The following ERBIN variants were observed in gnomAD, a reference collection of about 807,000 sequenced individuals.
ERBIN encodes the protein erbb2 interacting protein.
In ERBIN, 60 loss-of-function variants were observed where a neutral mutation model predicts 158.4. The ratio of observed to expected loss-of-function variants is 0.38; its 90% CI spans 0.31 to 0.47. The LOEUF (loss-of-function observed/expected upper bound fraction) is 0.47, where lower values mean the gene tolerates loss of function less well. ERBIN is among the 20% of genes least tolerant of loss of function. The probability of loss-of-function intolerance (pLI) is 0.99; values close to 1 mark genes in which losing one functional copy is unlikely to be tolerated. For synonymous variants in ERBIN, 594 were observed against 557.2 expected (o/e 1.07, Z -0.93); for missense variants, 1,610 against 1,648.0 (o/e 0.98, Z 0.40).
At chr5:66,024,190 C>CT in intron 9 of ERBIN, 116 bp from the exon 10 acceptor site, 3 of 691,202 alleles carry the variant, frequency 4.3e-6, no homozygotes, top group Non-Finnish European at 6.9e-6. Flanking sequence ...TGGGAGTCTT[C>CT]TTTCTTGTAT....
intron 2 of ERBIN, among the ~76,000 whole-genome samples, chr5:65,990,088 CAG>C (rs1437632113): frequency 5.8e-4 from 89 of 152,250 alleles, no homozygotes; most frequent in African/African-American, 2.1e-3. Context: ...TATTTGTTGA[CAG>C]AGATTTTAGA....
chr5:66,036,829 G>A (rs972453658), intron 14 of ERBIN, among the ~76,000 whole-genome samples: 1 of 152,202 alleles, frequency 6.6e-6, no homozygotes, highest in East Asian at 1.9e-4. Flanking sequence ...AAATGAAATC[G>A]GATTAAAGAT....
chr5:65,968,093 A>G (rs1333166678), intron 1 of ERBIN, among the ~76,000 whole-genome samples: 1 of 152,254 alleles, frequency 6.6e-6, no homozygotes, highest in East Asian at 1.9e-4. Context: ...ACCAGCTCTT[A>G]TTCCAATGAC....
chr5:65,928,221 C>T (rs1428040931), intron 1 of ERBIN, among the ~76,000 whole-genome samples: 1 of 151,526 alleles, frequency 6.6e-6, no homozygotes, highest in Non-Finnish European at 1.5e-5. Context: ...TTTTTTTCCT[C>T]CCCGGGGCAT....
At chr5:65,948,261 G>C (rs1386117347) in intron 1 of ERBIN, among the ~76,000 whole-genome samples, 1 of 151,862 alleles carries the variant, frequency 6.6e-6, no homozygotes. Context: ...TGCAGCCTGG[G>C]CATCCCAGGC....
chr5:65,967,552 A>G (rs879597980), intron 1 of ERBIN, among the ~76,000 whole-genome samples: 4 of 152,178 alleles, frequency 2.6e-5, no homozygotes, highest in Non-Finnish European at 4.4e-5. Flanking sequence ...AGGCTACACC[A>G]TATAGCCTAG....
intron 1 of ERBIN, among the ~76,000 whole-genome samples, chr5:65,985,845 C>G (rs1188589601): frequency 6.6e-6 from 1 of 152,128 alleles, no homozygotes; most frequent in Non-Finnish European, 1.5e-5. Flanking sequence ...GTGGTTTTGT[C>G]AAGATAATCA....
intron 21 of ERBIN, chr5:66,069,008 G>A (rs1390699000): frequency 2.5e-5 from 38 of 1,532,206 alleles, no homozygotes; most frequent in Non-Finnish European, 3.2e-5. Flanking sequence ...GTTCTGGTGG[G>A]CACATTTTTC....
At chr5:65,993,125 G>A (rs1164404044) in intron 3 of ERBIN, among the ~76,000 whole-genome samples, 1 of 152,086 alleles carries the variant, frequency 6.6e-6, no homozygotes, top group Non-Finnish European at 1.5e-5. Flanking sequence ...TGCAGATAAC[G>A]TAAAATTTTG....
chr5:65,937,832 C>G (rs1744273362), intron 1 of ERBIN, among the ~76,000 whole-genome samples: 1 of 152,088 alleles, frequency 6.6e-6, no homozygotes, highest in Admixed American at 6.5e-5. Flanking sequence ...TGGCATGAAC[C>G]CGGGAGGCGG....
chr5:66,071,205 C>T (rs913624596), intron 21 of ERBIN, among the ~76,000 whole-genome samples: 3 of 152,020 alleles, frequency 2.0e-5, no homozygotes, highest in African/African-American at 7.2e-5. Flanking sequence ...TCCCCGCCTA[C>T]AAAAATTAGA....
chr5:66,061,852 A>C (rs1760406828), intron 21 of ERBIN, among the ~76,000 whole-genome samples: 1 of 152,134 alleles, frequency 6.6e-6, no homozygotes, highest in South Asian at 2.1e-4. Context: ...TCTTTTCTTT[A>C]AGAATGTTGG....
chr5:65,965,382 G>GTTTTGTTTTTTTTTTT (rs1748464142), intron 1 of ERBIN, among the ~76,000 whole-genome samples: 1 of 96,072 alleles, frequency 1.0e-5, no homozygotes, highest in East Asian at 3.5e-4. Context: ...GTTTTTTGTT[G>GTTTTGTTTTTTTTTTT]TTTTTTTTTT....
intron 22 of ERBIN, among the ~76,000 whole-genome samples, chr5:66,073,278 C>T (rs922159046): frequency 2.6e-5 from 4 of 152,232 alleles, no homozygotes; most frequent in Middle Eastern, 3.4e-3. Flanking sequence ...ATGGTATAAA[C>T]GTAGAGAAAA....
At chr5:66,052,565 A>C (rs1327807940) in intron 20 of ERBIN, among the ~76,000 whole-genome samples, 2 of 152,176 alleles carry the variant, frequency 1.3e-5, no homozygotes, top group Non-Finnish European at 2.9e-5. Context: ...AATATAATGA[A>C]ATAAAGCCTA....
At chr5:66,028,191 A>C in intron 13 of ERBIN, 83 bp from the exon 14 acceptor site, 1 of 997,046 alleles carries the variant, frequency 1.0e-6, no homozygotes, top group Non-Finnish European at 1.5e-6. Flanking sequence ...AGCATTTTTC[A>C]GAAAACCTTT....
intron 1 of ERBIN, among the ~76,000 whole-genome samples, chr5:65,977,788 C>A (rs1010840291): frequency 6.6e-6 from 1 of 151,544 alleles, no homozygotes; most frequent in Admixed American, 6.6e-5. Context: ...CTCGGCACTT[C>A]GGGAGGCCAA....
intron 1 of ERBIN, among the ~76,000 whole-genome samples, chr5:65,935,516 T>G (rs1743969448): frequency 6.6e-6 from 1 of 152,236 alleles, no homozygotes; most frequent in South Asian, 2.1e-4. Context: ...TCTAAAGAGA[T>G]AAAATTCCAA....
intron 18 of ERBIN, among the ~76,000 whole-genome samples, chr5:66,047,521 G>A (rs1026654214): frequency 6.6e-6 from 1 of 151,944 alleles, no homozygotes; most frequent in East Asian, 1.9e-4. Context: ...ACTGCTAGTG[G>A]TAATGTAAAA....
Sources: gnomAD v4.1 joint callset for allele counts (sites outside exome capture counted in the v4.1 genomes callset) on GRCh38, gnomAD v4.1.1 for gene constraint, MANE v1.5 for transcripts, NCBI Gene and HGNC (gene_info 2026-07-23, HGNC 2026-07-21) for gene names.